The following RASA2 variants were observed in gnomAD, a reference collection of about 807,000 sequenced individuals.
RASA2 encodes RAS p21 protein activator 2.
In RASA2, 155 loss-of-function variants were observed where a neutral mutation model predicts 118.2. The ratio of observed to expected loss-of-function variants is 1.31; its 90% confidence interval spans 1.15 to 1.50. RASA2 has a LOEUF of 1.50. Among genes scored for constraint, RASA2 ranks in the 40% most tolerant of loss-of-function variants. The probability of loss-of-function intolerance (pLI) is 0.00; values close to 1 mark genes in which losing one functional copy is unlikely to be tolerated. For synonymous variants in RASA2, 353 were observed against 349.1 expected (o/e 1.01, Z -0.12); for missense variants, 1,016 against 1,009.6 (o/e 1.01, Z -0.09).
intron 9 of RASA2, among the ~76,000 whole-genome samples, chr3:141,564,885 T>C (rs2082793081): frequency 6.6e-6 from 1 of 152,250 alleles, no homozygotes; most frequent in Non-Finnish European, 1.5e-5. Context: ...CAGGTACTTA[T>C]GCCACTTGAC....
intron 1 of RASA2, among the ~76,000 whole-genome samples, chr3:141,488,726 A>G (rs2081606642): frequency 6.6e-6 from 1 of 152,128 alleles, no homozygotes; most frequent in South Asian, 2.1e-4. Flanking sequence ...TTTGAGGGGA[A>G]AATTTTGTTT....
At chr3:141,545,105 A>G (rs1350261059) in intron 5 of RASA2, among the ~76,000 whole-genome samples, 4 of 152,304 alleles carry the variant, frequency 2.6e-5, no homozygotes, top group African/African-American at 7.2e-5. Context: ...AAGTTTGCCT[A>G]TATAACAGAC....
At chr3:141,591,179 A>G (rs1262534166) in intron 19 of RASA2, among the ~76,000 whole-genome samples, 1 of 152,220 alleles carries the variant, frequency 6.6e-6, no homozygotes, top group Non-Finnish European at 1.5e-5. Context: ...TGCAGTATCC[A>G]TATGTAGTTT....
intron 17 of RASA2, among the ~76,000 whole-genome samples, chr3:141,585,424 G>A (rs543039516): frequency 3.9e-5 from 6 of 152,274 alleles, no homozygotes; most frequent in Non-Finnish European, 7.4e-5. Flanking sequence ...AGAATGTTAT[G>A]TATTTCAGAA....
chr3:141,532,148 C>T (rs932115559), intron 4 of RASA2, among the ~76,000 whole-genome samples: 2 of 151,998 alleles, frequency 1.3e-5, no homozygotes, highest in Non-Finnish European at 2.9e-5. Context: ...AATAGCATCA[C>T]CTGCATTTTA....
At chr3:141,524,181 C>G (rs1294194524) in intron 3 of RASA2, among the ~76,000 whole-genome samples, 1 of 152,144 alleles carries the variant, frequency 6.6e-6, no homozygotes, top group Non-Finnish European at 1.5e-5. Flanking sequence ...GTGCAGTTAT[C>G]TGGGAGATTG....
chr3:141,566,739 T>C (rs1461047034), intron 9 of RASA2, among the ~76,000 whole-genome samples: 1 of 152,210 alleles, frequency 6.6e-6, no homozygotes, highest in African/African-American at 2.4e-5. Flanking sequence ...AGTGTATGTA[T>C]TTTTAAATTT....
chr3:141,562,188 G>A (rs995584848), intron 9 of RASA2, among the ~76,000 whole-genome samples: 3 of 151,464 alleles, frequency 2.0e-5, no homozygotes, highest in South Asian at 2.1e-4. Flanking sequence ...TCCTGACCTC[G>A]TGATCCGCCC....
chr3:141,587,469 T>G (rs1205748173), intron 19 of RASA2, among the ~76,000 whole-genome samples: 1 of 152,082 alleles, frequency 6.6e-6, no homozygotes, highest in Non-Finnish European at 1.5e-5. Context: ...CCTAGCACTT[T>G]GGGAGGCCAA....
At chr3:141,570,794 T>A in intron 9 of RASA2, 118 bp from the exon 10 acceptor site, 1 of 898,858 alleles carries the variant, frequency 1.1e-6, no homozygotes, top group Non-Finnish European at 1.7e-6. Context: ...TGAAGCTTCC[T>A]AACTGTAAAT....
chr3:141,528,168 T>TCC (rs2151093015), intron 3 of RASA2, among the ~76,000 whole-genome samples: 1 of 152,098 alleles, frequency 6.6e-6, no homozygotes, highest in Admixed American at 6.5e-5. Context: ...CGTATTTTTT[T>TCC]AATACAGTTA....
intron 7 of RASA2, among the ~76,000 whole-genome samples, chr3:141,556,504 A>T (rs902799891): frequency 6.6e-6 from 1 of 152,062 alleles, no homozygotes; most frequent in East Asian, 1.9e-4. Context: ...CATTCTGTGG[A>T]CGCCTGCTTA....
At chr3:141,602,288 GGGTCATGTATTTGGGATGA>G (rs1577822388) in intron 19 of RASA2, among the ~76,000 whole-genome samples, 2 of 152,258 alleles carry the variant, frequency 1.3e-5, no homozygotes, top group East Asian at 3.9e-4. Flanking sequence ...GACTGGTGGG[GGGTCATGTATTTGGGATGA>G]AATTGTTTTA....
rs565176136 is a variant in RASA2 at position 141,615,005 on chromosome 3, C to G, written c.*2692C>G. On this transcript the variant is annotated 3_prime_UTR_variant, in exon 24 of 24. Coordinates refer to ENST00000286364, the MANE Select transcript of RASA2 (RefSeq NM_006506.5). ...CCTTTAATTTGCTCTAACGGTACAT[C>G]CTGTAAAGACAGAATTCTGCATAGC... The G allele has an allele frequency of 2.6e-5, 4 of 152,198 alleles. No homozygotes were observed. Among genetic ancestry groups the G allele is most frequent in the Non-Finnish European group, 5.9e-5 (4 of 68,010 alleles). 9.4% of individuals were successfully genotyped at this position (152,198 alleles called of 1,614,324 possible). A position where few individuals can be genotyped will look rare whatever the true frequency, so the allele number is the denominator to read the frequency against.
chr3:141,580,240 C>G, intron 15 of RASA2, 128 bp from the exon 16 acceptor site: 1 of 623,596 alleles, frequency 1.6e-6, no homozygotes. Flanking sequence ...TAGATTTTAA[C>G]TGTGTGTGTT....
intron 17 of RASA2, 115 bp from the exon 18 acceptor site, chr3:141,585,910 T>G (rs2083193944): frequency 1.5e-6 from 1 of 657,222 alleles, no homozygotes; most frequent in African/African-American, 1.8e-5. Flanking sequence ...TACTATTATG[T>G]GTATTCATTA....
chr3:141,579,815 G>A (rs2083073153), intron 15 of RASA2, among the ~76,000 whole-genome samples: 3 of 151,622 alleles, frequency 2.0e-5, no homozygotes, highest in Admixed American at 6.6e-5. Context: ...CAGCACTTCG[G>A]GAGGCCAAGG....
chr3:141,487,430 G>C (rs1559983863), intron 1 of RASA2, among the ~76,000 whole-genome samples: 1 of 151,890 alleles, frequency 6.6e-6, no homozygotes, highest in Non-Finnish European at 1.5e-5. Flanking sequence ...GCTCTCCGGA[G>C]GGAGTGGGAG....
chr3:141,506,164 G>T lies in RASA2; in HGVS notation c.134-5999G>T, dbSNP rs188521378. Among the ~76,000 whole-genome samples the T allele has an allele frequency of 1.4e-3, 219 of 152,334 alleles. 2 individuals are homozygous for T. The highest frequency in any genetic ancestry group is 4.9e-3 in the African/African-American group (204 of 41,574). On this transcript the variant is annotated intron_variant, in intron 1 of 23. Transcript: ENST00000286364. Reference sequence around the variant, plus strand: ...TACCAGTTATGAATCAACAAGAAAAGATGTTACAGAATAAAATAAATTGTG... The same window carrying T: ...TACCAGTTATGAATCAACAAGAAAATATGTTACAGAATAAAATAAATTGTG...
Sources: gnomAD v4.1 joint callset for allele counts (sites outside exome capture counted in the v4.1 genomes callset) on GRCh38, gnomAD v4.1.1 for gene constraint, MANE v1.5 for transcripts, NCBI Gene and HGNC (gene_info 2026-07-23, HGNC 2026-07-21) for gene names.